ANXA10: variants seen among roughly 807,000 people sequenced by gnomAD.
ANXA10 encodes the protein annexin 14.
A neutral mutation model predicts 53.5 loss-of-function variants in ANXA10; 49 were observed. The observed-to-expected ratio is 0.92, with a 90% confidence interval of 0.73 to 1.16. The LOEUF is 1.16. Among genes scored for constraint, ANXA10 ranks in the 50% most tolerant of loss-of-function variants. ANXA10 has a pLI of 0.00. For synonymous variants in ANXA10, 131 were observed against 128.9 expected (o/e 1.02, Z -0.11); for missense variants, 393 against 394.4 (o/e 1.00, Z 0.03).
intron 1 of ANXA10, among the ~76,000 whole-genome samples, chr4:168,108,436 C>A (rs1223734211): frequency 6.6e-6 from 1 of 152,168 alleles, no homozygotes; most frequent in African/African-American, 2.4e-5. Context: ...CACTGATACA[C>A]TATGGCCTTC....
chr4:168,154,583 G>A (rs1025370937), intron 3 of ANXA10, among the ~76,000 whole-genome samples: 1 of 152,132 alleles, frequency 6.6e-6, no homozygotes, highest in South Asian at 2.1e-4. Context: ...TCTATCAACT[G>A]TCAAGTGCCA....
At chr4:168,182,318 A>ATATTTTTTTT (rs1732265106) in intron 10 of ANXA10, among the ~76,000 whole-genome samples, 1 of 49,726 alleles carries the variant, frequency 2.0e-5, no homozygotes, top group African/African-American at 1.1e-4. Context: ...TGGAGCATTA[A>ATATTTTTTTT]TTTTTTTTTT....
chr4:168,173,096 A>G (rs1732047213), intron 6 of ANXA10, among the ~76,000 whole-genome samples: 1 of 152,146 alleles, frequency 6.6e-6, no homozygotes, highest in Admixed American at 6.5e-5. Context: ...CTCCTGCCAT[A>G]TTATATAGAT....
At chr4:168,154,809 A>C (rs1731573234) in intron 3 of ANXA10, among the ~76,000 whole-genome samples, 1 of 152,154 alleles carries the variant, frequency 6.6e-6, no homozygotes, top group African/African-American at 2.4e-5. Flanking sequence ...AGTGGAATGA[A>C]TACAGTTCCT....
chr4:168,155,397 T>TCA (rs376951688), intron 3 of ANXA10, among the ~76,000 whole-genome samples: 1 of 80,180 alleles, frequency 1.2e-5, no homozygotes, highest in East Asian at 3.3e-4. Flanking sequence ...GTATTATATA[T>TCA]TATATATTAT....
At chr4:168,139,378 A>C in intron 2 of ANXA10, 108 bp from the exon 3 acceptor site, 1 of 765,928 alleles carries the variant, frequency 1.3e-6, no homozygotes, top group East Asian at 2.8e-5. Context: ...CTGCTGTAAA[A>C]TACCATCAGG....
intron 1 of ANXA10, among the ~76,000 whole-genome samples, chr4:168,125,098 A>G (rs1731047250): frequency 6.6e-6 from 1 of 152,170 alleles, no homozygotes; most frequent in Non-Finnish European, 1.5e-5. Context: ...CATTGAAACC[A>G]CTTTGGAAGA....
rs1379320002 is a variant in ANXA10, at chr4:168,126,021, G to GA, written c.19-2057dup. ...TAAATCTGGCCACTTTCAAAGAAAT[G>GA]AAAAAATCTTAATACATACAGATAC... On this transcript the variant is annotated intron_variant, in intron 1 of 11. Transcript: ENST00000359299. Among the ~76,000 whole-genome samples the GA allele has an allele frequency of 2.0e-5, 3 of 151,886 alleles. No homozygotes were observed. The South Asian group carries it at 6.2e-4, about 31-fold the overall frequency.
At chr4:168,127,783 T>C (rs1382279680) in intron 1 of ANXA10, 2 of 551,258 alleles carry the variant, frequency 3.6e-6, no homozygotes, top group South Asian at 1.6e-5. Flanking sequence ...GAATATACTT[T>C]CATTTTCATT....
chr4:168,164,792 T>C (rs1031614353), intron 5 of ANXA10, among the ~76,000 whole-genome samples: 1 of 152,212 alleles, frequency 6.6e-6, no homozygotes, highest in Non-Finnish European at 1.5e-5. Context: ...TCTATTGCGT[T>C]ATGTAGTATA....
chr4:168,101,185 C>T (rs1421890505), intron 1 of ANXA10, among the ~76,000 whole-genome samples: 1 of 151,942 alleles, frequency 6.6e-6, no homozygotes, highest in Non-Finnish European at 1.5e-5. Flanking sequence ...TAGCACCTCC[C>T]ACTTGGCTCT....
At chr4:168,159,210 A>C (rs1731740268) in intron 3 of ANXA10, among the ~76,000 whole-genome samples, 1 of 152,164 alleles carries the variant, frequency 6.6e-6, no homozygotes, top group South Asian at 2.1e-4. Context: ...TTAATTTTCA[A>C]ATGCAAACCA....
intron 3 of ANXA10, among the ~76,000 whole-genome samples, chr4:168,144,522 C>G (rs930448554): frequency 1.3e-5 from 2 of 152,200 alleles, no homozygotes; most frequent in African/African-American, 4.8e-5. Context: ...TTGACCTGTT[C>G]CATTCCAGTA....
chr4:168,185,296 G>A (rs1578943642), intron 11 of ANXA10, among the ~76,000 whole-genome samples: 1 of 152,324 alleles, frequency 6.6e-6, no homozygotes, highest in Non-Finnish European at 1.5e-5. Context: ...GCTAAATTCT[G>A]AAGTATGATC....
chr4:168,092,772 A>C (rs985104357), intron 1 of ANXA10, 54 bp downstream of exon 1: 4 of 1,438,630 alleles, frequency 2.8e-6, no homozygotes, highest in Non-Finnish European at 3.7e-6. Flanking sequence ...AACTTGATTT[A>C]TAAAATTTCA....
chr4:168,102,831 A>T (rs1363656233), intron 1 of ANXA10, among the ~76,000 whole-genome samples: 1 of 152,118 alleles, frequency 6.6e-6, no homozygotes, highest in Non-Finnish European at 1.5e-5. Context: ...GCTTTAGAAA[A>T]AACTGGCAAA....
rs114585401 is a variant in ANXA10 at position 168,177,938 on chromosome 4, C to G, written c.583C>G (p.Leu195Val). The G allele has an allele frequency of 8.1e-4, 1,312 of 1,613,676 alleles. 12 individuals carry two copies. In the African/African-American group the frequency reaches 0.015, roughly 18 times the overall value. Residue 195 changes from leucine (L) to valine (V), a missense_variant, in exon 8 of 12, where the codon CTG becomes GTG. Leu to Val is a conservative substitution (Grantham distance 32). Coordinates refer to ENST00000359299, the MANE Select transcript of ANXA10 (RefSeq NM_007193.5). Reference sequence around the variant, plus strand: ...GAAGACGGGGGAGCACAAAACCATGCTGCAAATGATCCTGTGCAACAAGAG... The same window carrying G: ...GAAGACGGGGGAGCACAAAACCATGGTGCAAATGATCCTGTGCAACAAGAG... The part of the protein sequence containing the change: ...QQKTGEHKTM[L>V]QMILCNKSYQ...
chr4:168,130,791 G>C (rs994207591), intron 2 of ANXA10, among the ~76,000 whole-genome samples: 1 of 151,612 alleles, frequency 6.6e-6, no homozygotes, highest in Non-Finnish European at 1.5e-5. Flanking sequence ...CATTGAGATT[G>C]GTAGTAATGG....
At chr4:168,153,422 C>CAAAAAAAAAAAAAAAAGAAAAAA (rs1731530946) in intron 3 of ANXA10, among the ~76,000 whole-genome samples, 1 of 43,508 alleles carries the variant, frequency 2.3e-5, no homozygotes, top group Non-Finnish European at 5.2e-5. Flanking sequence ...AAGCCTAAAG[C>CAAAAAAAAAAAAAAAAGAAAAAA]AAAAAAAAAA....
Sources: allele counts gnomAD v4.1 joint callset (sites outside exome capture counted in the v4.1 genomes callset), GRCh38; gene constraint gnomAD v4.1.1; transcripts MANE v1.5; gene names NCBI Gene and HGNC (gene_info 2026-07-23, HGNC 2026-07-21).